The following DAB1 variants were observed in gnomAD, a reference collection of about 807,000 sequenced individuals.
The protein encoded by DAB1 is DAB adaptor protein 1, also known as disabled homolog 1.
In DAB1, 15 loss-of-function variants were observed where a neutral mutation model predicts 64.6. The ratio of observed to expected loss-of-function variants is 0.23; its 90% CI spans 0.16 to 0.36. The LOEUF (loss-of-function observed/expected upper bound fraction) is 0.36, where lower values mean the gene tolerates loss of function less well. DAB1 is among the 10% of genes least tolerant of loss of function. The pLI is 1.00. For missense variants in DAB1, 596 were observed against 706.7 expected (o/e 0.84, Z 1.78); for synonymous variants, 235 against 251.9 (o/e 0.93, Z 0.64).
intron 5 of DAB1, among the ~76,000 whole-genome samples, chr1:57,973,088 G>T (rs992736342): frequency 2.6e-5 from 4 of 152,180 alleles, no homozygotes; most frequent in Non-Finnish European, 5.9e-5. Flanking sequence ...AGTTATCCAT[G>T]CAGACCCTAA....
chr1:57,578,588 CATCT>C (rs1299471774), intron 7 of DAB1, among the ~76,000 whole-genome samples: 2 of 152,216 alleles, frequency 1.3e-5, no homozygotes, highest in African/African-American at 4.8e-5. Flanking sequence ...AATCTCAACT[CATCT>C]ATCTGAGCTC....
chr1:57,987,637 G>A (rs1347982299), intron 5 of DAB1, among the ~76,000 whole-genome samples: 1 of 152,178 alleles, frequency 6.6e-6, no homozygotes, highest in Non-Finnish European at 1.5e-5. Flanking sequence ...CCAAAGGAAT[G>A]CTAAAGGTGC....
At chr1:57,151,007 C>A (rs1461102309) in intron 2 of DAB1, among the ~76,000 whole-genome samples, 1 of 152,100 alleles carries the variant, frequency 6.6e-6, no homozygotes, top group African/African-American at 2.4e-5. Context: ...ATTTAAAAAA[C>A]CCTGGCACCT....
chr1:57,416,414 T>C (rs1684499912), intron 1 of DAB1, among the ~76,000 whole-genome samples: 1 of 152,184 alleles, frequency 6.6e-6, no homozygotes, highest in African/African-American at 2.4e-5. Flanking sequence ...AGTAATTACA[T>C]AGCATTACAA....
intron 5 of DAB1, among the ~76,000 whole-genome samples, chr1:57,917,619 A>G (rs1477412478): frequency 6.6e-6 from 1 of 152,008 alleles, no homozygotes; most frequent in Non-Finnish European, 1.5e-5. Context: ...CAGGTGGATT[A>G]TTTGTGTGTA....
chr1:57,248,233 T>C (rs989111691), intron 2 of DAB1, among the ~76,000 whole-genome samples: 1 of 152,208 alleles, frequency 6.6e-6, no homozygotes, highest in Non-Finnish European at 1.5e-5. Flanking sequence ...TATTATTTTA[T>C]TGTTGTTTTG....
intron 5 of DAB1, among the ~76,000 whole-genome samples, chr1:58,090,259 T>G (rs750857519): frequency 6.6e-6 from 1 of 151,736 alleles, no homozygotes; most frequent in Non-Finnish European, 1.5e-5. Flanking sequence ...AGGAAAAGAA[T>G]TAAGACAGCA....
chr1:58,022,917 T>A (rs573928996), intron 5 of DAB1, among the ~76,000 whole-genome samples: 1 of 152,294 alleles, frequency 6.6e-6, no homozygotes, highest in African/African-American at 2.4e-5. Flanking sequence ...AGATCCCTTT[T>A]GTCTTATTTT....
chr1:57,573,208 C>T (rs1342201431), intron 7 of DAB1, among the ~76,000 whole-genome samples: 2 of 152,132 alleles, frequency 1.3e-5, no homozygotes, highest in African/African-American at 4.8e-5. Flanking sequence ...CCGCCTCAGC[C>T]TTCCAAGTAG....
intron 2 of DAB1, among the ~76,000 whole-genome samples, chr1:57,190,037 G>C (rs770338107): frequency 6.6e-6 from 1 of 152,270 alleles, no homozygotes; most frequent in African/African-American, 2.4e-5. Flanking sequence ...CTGGGAACAA[G>C]AGCAGGGCCC....
At chr1:57,570,516 CT>C (rs1003420800) in intron 7 of DAB1, among the ~76,000 whole-genome samples, 104 of 152,158 alleles carry the variant, frequency 6.8e-4, no homozygotes, top group Non-Finnish European at 2.4e-4. Context: ...GGTTCTCTTT[CT>C]GTTCCATTGG....
chr1:57,016,564 C>T (rs962906544), intron 11 of DAB1, among the ~76,000 whole-genome samples: 3 of 151,450 alleles, frequency 2.0e-5, no homozygotes, highest in Non-Finnish European at 4.4e-5. Flanking sequence ...GCACTTCAGC[C>T]TGGGTAATAG....
chr1:57,868,337 C>A (rs1405881091), intron 1 of DAB1, among the ~76,000 whole-genome samples: 1 of 152,140 alleles, frequency 6.6e-6, no homozygotes, highest in Non-Finnish European at 1.5e-5. Flanking sequence ...AGCAACTAGA[C>A]TGATTTCTTT....
intron 5 of DAB1, among the ~76,000 whole-genome samples, chr1:58,038,002 T>C (rs1647073083): frequency 6.6e-6 from 1 of 152,304 alleles, no homozygotes; most frequent in South Asian, 2.1e-4. Flanking sequence ...TATGAGCCAT[T>C]ATAAATTTTG....
chr1:58,538,732 T>C (rs1646557124), intron 1 of DAB1: 1 of 689,266 alleles, frequency 1.5e-6, no homozygotes, highest in Non-Finnish European at 2.5e-6. Flanking sequence ...AGTTAATACG[T>C]TAGCACAAAA....
rs75550976 is a variant in DAB1, at chr1:58,474,466, T to C, written n.257+31594A>G. On this transcript the variant is annotated intron_variant and non_coding_transcript_variant, in intron 3 of 20. Coordinates refer to the DAB1 transcript ENST00000485760. ...TCCCCTGAGAGAAGGAGTTGGTTCA[T>C]TGTGATAAGCTCAGGTCAAAGCTGG... Among the ~76,000 whole-genome samples, 85 of 152,166 alleles carry C rather than the reference T, an allele frequency of 5.6e-4. No homozygotes were observed. In the East Asian group the frequency reaches 0.016, roughly 28 times the overall value.
intron 1 of DAB1, among the ~76,000 whole-genome samples, chr1:57,837,661 C>T (rs962822353): frequency 1.3e-5 from 2 of 152,106 alleles, no homozygotes; most frequent in Non-Finnish European, 2.9e-5. Flanking sequence ...GATATCTGCA[C>T]ATCCTTCTGG....
At chr1:57,696,986 T>G (rs535677808) in intron 6 of DAB1, among the ~76,000 whole-genome samples, 52 of 152,298 alleles carry the variant, frequency 3.4e-4, no homozygotes, top group African/African-American at 1.2e-3. Flanking sequence ...GCTTACATTT[T>G]GAAGCTCCCA....
At chr1:57,204,174 G>T (rs1665343131) in intron 2 of DAB1, among the ~76,000 whole-genome samples, 1 of 152,184 alleles carries the variant, frequency 6.6e-6, no homozygotes, top group Non-Finnish European at 1.5e-5. Context: ...ACAGGTGTGA[G>T]CTACTGTGCC....
Sources: allele counts gnomAD v4.1 joint callset (sites outside exome capture counted in the v4.1 genomes callset), GRCh38; gene constraint gnomAD v4.1.1; transcripts MANE v1.5; gene names NCBI Gene and HGNC (gene_info 2026-07-23, HGNC 2026-07-21).